The following CADM2 variants were observed in gnomAD, a reference collection of about 807,000 sequenced individuals.
CADM2 encodes cell adhesion molecule 2.
In CADM2, 12 loss-of-function variants were observed where a neutral mutation model predicts 49.8. The observed-to-expected ratio is 0.24, with a 90% CI of 0.15 to 0.39. CADM2 has a LOEUF of 0.39. CADM2 is among the 10% of genes least tolerant of loss of function. The probability of loss-of-function intolerance (pLI) is 1.00; values close to 1 mark genes in which losing one functional copy is unlikely to be tolerated. For missense variants in CADM2, 378 were observed against 492.3 expected, an observed-to-expected ratio of 0.77 and a Z score of 2.20; for synonymous variants, 214 against 175.4, an observed-to-expected ratio of 1.22 and a Z score of -1.74.
chr3:85,131,098 G>A (rs2039213412), intron 1 of CADM2, among the ~76,000 whole-genome samples: 1 of 152,066 alleles, frequency 6.6e-6, no homozygotes, highest in African/African-American at 2.4e-5. Flanking sequence ...AGAGTCACTT[G>A]AACCCAGGAG....
intron 8 of CADM2, among the ~76,000 whole-genome samples, chr3:86,003,988 C>T (rs1309316305): frequency 2.0e-5 from 3 of 151,808 alleles, no homozygotes; most frequent in African/African-American, 7.3e-5. Flanking sequence ...GTACTTGGAG[C>T]CAATGGCTCC....
intron 1 of CADM2, among the ~76,000 whole-genome samples, chr3:85,517,801 A>G (rs1039017502): frequency 1.3e-5 from 2 of 152,194 alleles, no homozygotes; most frequent in East Asian, 1.9e-4. Context: ...GAATCAAATT[A>G]TGGAGACAAA....
At chr3:85,918,674 A>G (rs28611113) in intron 6 of CADM2, among the ~76,000 whole-genome samples, 5,845 of 152,192 alleles carry the variant, frequency 0.038, 373 homozygotes, top group African/African-American at 0.13. Flanking sequence ...GAAATTTAAG[A>G]AAATCAAAAG....
At chr3:85,049,550 C>CT (rs1459323623) in intron 1 of CADM2, among the ~76,000 whole-genome samples, 2 of 151,838 alleles carry the variant, frequency 1.3e-5, no homozygotes, top group African/African-American at 4.8e-5. Flanking sequence ...CGGGCTTTCA[C>CT]TATGTTGGCC....
intron 2 of CADM2, among the ~76,000 whole-genome samples, chr3:85,726,944 TA>T (rs1461539799): frequency 6.6e-6 from 1 of 152,058 alleles, no homozygotes; most frequent in Non-Finnish European, 1.5e-5. Context: ...TATGTGAAAA[TA>T]AAATTTAATC....
At chr3:85,228,597 T>A (rs1035638571) in intron 1 of CADM2, among the ~76,000 whole-genome samples, 2 of 151,744 alleles carry the variant, frequency 1.3e-5, no homozygotes, top group African/African-American at 4.8e-5. Context: ...TCTGTTAGAG[T>A]TTGCTGGAGG....
chr3:85,983,561 A>G (rs1727719978), intron 8 of CADM2, among the ~76,000 whole-genome samples: 1 of 151,574 alleles, frequency 6.6e-6, no homozygotes, highest in Admixed American at 6.6e-5. Flanking sequence ...TGACAGAATT[A>G]TTTTTTCAGT....
chr3:85,573,341 T>C (rs2062539343), intron 1 of CADM2, among the ~76,000 whole-genome samples: 1 of 152,014 alleles, frequency 6.6e-6, no homozygotes, highest in South Asian at 2.1e-4. Flanking sequence ...TACTGGTGCA[T>C]GCCACCAGGC....
At chr3:85,891,341 C>T (rs1714409072) in intron 5 of CADM2, among the ~76,000 whole-genome samples, 1 of 152,174 alleles carries the variant, frequency 6.6e-6, no homozygotes, top group African/African-American at 2.4e-5. Context: ...TATTACAAAA[C>T]CATGAGATCT....
At chr3:85,151,216 T>C (rs1173143774) in intron 1 of CADM2, among the ~76,000 whole-genome samples, 2 of 152,124 alleles carry the variant, frequency 1.3e-5, no homozygotes, top group Non-Finnish European at 2.9e-5. Context: ...ATACAAATTC[T>C]CCTCATAACT....
intron 3 of CADM2, among the ~76,000 whole-genome samples, chr3:85,864,874 C>A (rs1157034498): frequency 1.3e-5 from 2 of 152,024 alleles, no homozygotes; most frequent in Non-Finnish European, 2.9e-5. Flanking sequence ...TTTTTGCTAT[C>A]TTTTTTCTAG....
intron 7 of CADM2, among the ~76,000 whole-genome samples, chr3:85,954,828 TA>T (rs1452281034): frequency 1.3e-5 from 2 of 151,304 alleles, no homozygotes; most frequent in Non-Finnish European, 3.0e-5. Context: ...ACTCTTACTA[TA>T]ATTTCTTAAT....
At chr3:85,992,439 A>G (rs1270197719) in intron 8 of CADM2, 1 of 151,912 alleles carries the variant, frequency 6.6e-6, no homozygotes, top group Non-Finnish European at 1.5e-5. Flanking sequence ...TATTTTTTGC[A>G]TTTGTTGTTA....
intron 1 of CADM2, among the ~76,000 whole-genome samples, chr3:85,541,737 ATATATATTT>A (rs1336451271): frequency 1.5e-3 from 114 of 73,910 alleles, no homozygotes; most frequent in Non-Finnish European, 2.5e-3. Context: ...TATATTTTAT[ATATATATTT>A]TATATATTTT....
At chr3:85,325,046 C>T (rs1271792665) in intron 1 of CADM2, among the ~76,000 whole-genome samples, 2 of 152,162 alleles carry the variant, frequency 1.3e-5, no homozygotes, top group Admixed American at 1.3e-4. Context: ...ATTTTTCTTA[C>T]CTGGAAAAGA....
intron 3 of CADM2, among the ~76,000 whole-genome samples, chr3:85,863,057 T>G (rs2075595723): frequency 6.6e-6 from 1 of 152,164 alleles, no homozygotes. Flanking sequence ...GTCAGTTAAA[T>G]GTATGGGTAA....
intron 1 of CADM2, among the ~76,000 whole-genome samples, chr3:84,961,855 T>C (rs1173756989): frequency 1.3e-5 from 2 of 152,194 alleles, no homozygotes; most frequent in Non-Finnish European, 2.9e-5. Context: ...GGTCGCCTCC[T>C]CTCTTCCTTC....
chr3:85,929,939 A>C (rs944752157), intron 6 of CADM2, among the ~76,000 whole-genome samples: 1 of 152,066 alleles, frequency 6.6e-6, no homozygotes, highest in African/African-American at 2.4e-5. Context: ...TATCAAAACC[A>C]AAATTACTTC....
intron 1 of CADM2, among the ~76,000 whole-genome samples, chr3:85,446,597 G>GTT (rs1447208577): frequency 1.4e-4 from 15 of 107,604 alleles, no homozygotes; most frequent in African/African-American, 2.4e-4. Flanking sequence ...AGTTTTTTTT[G>GTT]TTTTTTGTTT....
Sources: allele counts gnomAD v4.1 joint callset (sites outside exome capture counted in the v4.1 genomes callset), GRCh38; gene constraint gnomAD v4.1.1; transcripts MANE v1.5; gene names NCBI Gene and HGNC (gene_info 2026-07-23, HGNC 2026-07-21).